The following OXR1 variants were observed in gnomAD, a reference collection of about 807,000 sequenced individuals.
The protein encoded by OXR1 is oxidation resistance 1.
Under a neutral mutation model 104.6 loss-of-function variants are expected in OXR1, and 41 were observed. That is an observed-to-expected ratio of 0.39 (90% CI 0.31 to 0.51). OXR1 has a LOEUF of 0.51. Among genes scored for constraint, OXR1 ranks in the 20% least tolerant of loss-of-function variants. OXR1 has a pLI of 0.77. For missense variants in OXR1, 955 were observed against 1,031.9 expected (o/e 0.93, Z 1.02); for synonymous variants, 348 against 348.4 (o/e 1.00, Z 0.01).
chr8:106,289,044 A>G (rs1212430912), intron 1 of OXR1, among the ~76,000 whole-genome samples: 2 of 152,148 alleles, frequency 1.3e-5, no homozygotes, highest in African/African-American at 4.8e-5. Context: ...GGAGACATCT[A>G]TGACGAACTC....
At chr8:106,704,100 C>T (rs1369692823) in intron 8 of OXR1, among the ~76,000 whole-genome samples, 1 of 151,992 alleles carries the variant, frequency 6.6e-6, no homozygotes, top group African/African-American at 2.4e-5. Context: ...ACCTTCCACC[C>T]AACAGATATT....
rs145702892 is a variant in OXR1 at position 106,355,545 on chromosome 8, CA to C, written c.-138-3927del. Among the ~76,000 whole-genome samples the C allele has an allele frequency of 7.1e-3, 1,075 of 151,058 alleles. 10 individuals are homozygous for C. The highest frequency in any genetic ancestry group is 0.025 in the African/African-American group (1,043 of 41,182). ...TTAGGCACATTGTGCCTATTCTTGA[CA>C]AAATAAATCAGATAGTTATAAGTTA... On this transcript the variant is annotated intron_variant, in intron 1 of 16. Transcript: ENST00000517566.
At chr8:106,570,925 C>T (rs916509840) in intron 3 of OXR1, among the ~76,000 whole-genome samples, 1 of 151,932 alleles carries the variant, frequency 6.6e-6, no homozygotes, top group African/African-American at 2.4e-5. Context: ...AGCACTTGCC[C>T]ATTCTATACC....
chr8:106,430,736 G>T (rs1444594235), intron 2 of OXR1, among the ~76,000 whole-genome samples: 1 of 152,088 alleles, frequency 6.6e-6, no homozygotes, highest in Admixed American at 6.6e-5. Flanking sequence ...GGATTTCCTG[G>T]CCCTTCCTCA....
At chr8:106,381,451 A>T (rs1817146303) in intron 2 of OXR1, among the ~76,000 whole-genome samples, 1 of 152,114 alleles carries the variant, frequency 6.6e-6, no homozygotes, top group Non-Finnish European at 1.5e-5. Context: ...GGGAGGGACC[A>T]ATCAATTGAA....
intron 2 of OXR1, among the ~76,000 whole-genome samples, chr8:106,392,973 C>G (rs1264676149): frequency 2.0e-5 from 3 of 152,150 alleles, no homozygotes; most frequent in African/African-American, 7.2e-5. Context: ...CTTTTAGAAC[C>G]ATATTGCTCC....
At chr8:106,638,000 C>T (rs910761863) in intron 3 of OXR1, among the ~76,000 whole-genome samples, 2 of 151,932 alleles carry the variant, frequency 1.3e-5, no homozygotes, top group African/African-American at 4.8e-5. Context: ...CTCCTGACCT[C>T]GTGATCCACC....
At chr8:106,381,810 T>A (rs1817161451) in intron 2 of OXR1, among the ~76,000 whole-genome samples, 2 of 152,238 alleles carry the variant, frequency 1.3e-5, no homozygotes, top group South Asian at 4.1e-4. Flanking sequence ...TGAGGCAAGC[T>A]TTTAATTCAA....
At chr8:106,531,655 C>T (rs1814101232) in intron 3 of OXR1, among the ~76,000 whole-genome samples, 1 of 152,092 alleles carries the variant, frequency 6.6e-6, no homozygotes, top group Non-Finnish European at 1.5e-5. Flanking sequence ...ATTTCTTTTC[C>T]AGTTAGATAG....
chr8:106,460,105 T>A (rs7018152), intron 2 of OXR1, among the ~76,000 whole-genome samples: 16,907 of 152,228 alleles, frequency 0.11, 3,179 homozygotes, highest in African/African-American at 0.39. Flanking sequence ...AAGGCAGGGA[T>A]GGTCCTAGCC....
chr8:106,708,344 A>C (rs1294902780), intron 9 of OXR1, among the ~76,000 whole-genome samples: 1 of 152,194 alleles, frequency 6.6e-6, no homozygotes, highest in East Asian at 1.9e-4. Context: ...GGCTGCTATG[A>C]GCCATGATCA....
At chr8:106,567,867 A>G (rs1398599601) in intron 3 of OXR1, among the ~76,000 whole-genome samples, 9 of 152,184 alleles carry the variant, frequency 5.9e-5, no homozygotes, top group South Asian at 2.1e-4. Flanking sequence ...ATGATATGTC[A>G]TCATTGAATA....
chr8:106,305,926 C>A (rs1439143984), intron 1 of OXR1, among the ~76,000 whole-genome samples: 1 of 152,080 alleles, frequency 6.6e-6, no homozygotes, highest in Non-Finnish European at 1.5e-5. Context: ...TTCTTAAATA[C>A]CTCAGGAGAG....
chr8:106,731,324 T>C lies in OXR1; in HGVS notation c.1957-6196T>C, dbSNP rs1833874110. On this transcript the variant is annotated intron_variant, in intron 11 of 16. Coordinates refer to ENST00000517566, the MANE Select transcript of OXR1 (RefSeq NM_001198533.2). ...ATATATTTTGGATAACAGTCCTTTA[T>C]CATTTATATATGTTGCAGAGATTTT... is the stretch of plus-strand genomic sequence containing the variant. 2.0e-5 allele frequency among the ~76,000 whole-genome samples: 3 copies of C among 152,340 alleles called. No homozygotes were observed. In the South Asian group the frequency reaches 6.2e-4, roughly 32 times the overall value.
At chr8:106,357,685 T>C (rs1307960061) in intron 1 of OXR1, among the ~76,000 whole-genome samples, 1 of 152,116 alleles carries the variant, frequency 6.6e-6, no homozygotes, top group Non-Finnish European at 1.5e-5. Flanking sequence ...TTAATACTAA[T>C]AGTAATAGGG....
Position 106,679,217 on chromosome 8 carries a change from C to A in OXR1, c.228C>A (p.Gly76=). The A allele has an allele frequency of 6.2e-7, 1 of 1,605,994 alleles. No individual in the cohort carries two copies. ...TTTGCCTTTTTTTCCCAGACACTGGCCAAAAGAAGACCCTAGACAAGAAAG... is the reference window on the plus strand; with the variant it reads ...TTTGCCTTTTTTTCCCAGACACTGGACAAAAGAAGACCCTAGACAAGAAAG... The part of the protein sequence containing the change: ...ELKRFYTIDT[G]QKKTLDKKDG... The change falls in exon 4 of 17, where the codon GGC becomes GGA. Residue 76 remains glycine (G), a synonymous_variant. Transcript: ENST00000517566.
At chr8:106,444,780 G>A (rs183580200) in intron 2 of OXR1, among the ~76,000 whole-genome samples, 2 of 151,928 alleles carry the variant, frequency 1.3e-5, no homozygotes, top group African/African-American at 2.4e-5. Context: ...AAACCTGCAC[G>A]TTCTGCACAT....
chr8:106,561,908 AC>A (rs1299570054), intron 3 of OXR1, among the ~76,000 whole-genome samples: 1 of 152,210 alleles, frequency 6.6e-6, no homozygotes, highest in African/African-American at 2.4e-5. Context: ...AAACTAACAA[AC>A]AAAAAGGAAT....
At chr8:106,626,999 G>A (rs1330777625) in intron 3 of OXR1, among the ~76,000 whole-genome samples, 1 of 151,704 alleles carries the variant, frequency 6.6e-6, no homozygotes, top group Non-Finnish European at 1.5e-5. Flanking sequence ...GCTTTTCTCC[G>A]TAGTTAACCT....
Sources: gnomAD v4.1 joint callset for allele counts (sites outside exome capture counted in the v4.1 genomes callset) on GRCh38, gnomAD v4.1.1 for gene constraint, MANE v1.5 for transcripts, NCBI Gene and HGNC (gene_info 2026-07-23, HGNC 2026-07-21) for gene names.